The following CTNNA3 variants were observed in gnomAD, a reference collection of about 807,000 sequenced individuals.
CTNNA3 encodes the protein catenin alpha 3, also known as catenin alpha-3.
In CTNNA3, 76 loss-of-function variants were observed where a neutral mutation model predicts 95.7. That is an observed-to-expected ratio of 0.79 (90% CI 0.66 to 0.96). The LOEUF (loss-of-function observed/expected upper bound fraction) is 0.96, where lower values mean the gene tolerates loss of function less well. Among genes scored for constraint, CTNNA3 ranks in the 40% least tolerant of loss-of-function variants. The pLI, the probability that CTNNA3 is intolerant of heterozygous loss-of-function variation, is 0.00. For missense variants in CTNNA3, 1,191 were observed against 1,089.8 expected, an observed-to-expected ratio of 1.09 and a Z score of -1.31; for synonymous variants, 431 against 374.4, an observed-to-expected ratio of 1.15 and a Z score of -1.74.
chr10:67,224,009 T>A (rs1864780554), intron 5 of CTNNA3, among the ~76,000 whole-genome samples: 1 of 150,138 alleles, frequency 6.7e-6, no homozygotes, highest in African/African-American at 2.5e-5. Flanking sequence ...GATGCTTTCA[T>A]ATACATATAC....
At chr10:66,007,719 T>G (rs933790980) in intron 15 of CTNNA3, among the ~76,000 whole-genome samples, 1 of 69,460 alleles carries the variant, frequency 1.4e-5, no homozygotes, top group African/African-American at 5.2e-5. Context: ...CCTCCCTCCC[T>G]CCCTCCCTTT....
At chr10:67,681,058 G>T (rs1840616883) in intron 1 of CTNNA3, among the ~76,000 whole-genome samples, 1 of 152,178 alleles carries the variant, frequency 6.6e-6, no homozygotes, top group African/African-American at 2.4e-5. Flanking sequence ...TCTACTGAGG[G>T]TTGTAAAAGA....
intron 5 of CTNNA3, among the ~76,000 whole-genome samples, chr10:67,328,404 A>C (rs1347968988): frequency 6.6e-6 from 1 of 152,122 alleles, no homozygotes; most frequent in Non-Finnish European, 1.5e-5. Flanking sequence ...GATGGGCAAG[A>C]CCACCCTGCA....
chr10:67,184,871 T>G (rs1236622625), intron 6 of CTNNA3, among the ~76,000 whole-genome samples: 1 of 152,212 alleles, frequency 6.6e-6, no homozygotes, highest in Non-Finnish European at 1.5e-5. Context: ...TGATGTTTTA[T>G]CTTTCTCAGT....
chr10:66,842,334 C>CA (rs923117431), intron 7 of CTNNA3, among the ~76,000 whole-genome samples: 4 of 151,696 alleles, frequency 2.6e-5, no homozygotes, highest in Non-Finnish European at 5.9e-5. Context: ...AGAATTACTA[C>CA]AAAAAGGAAA....
intron 7 of CTNNA3, among the ~76,000 whole-genome samples, chr10:66,991,353 C>A (rs1851024859): frequency 6.6e-6 from 1 of 151,990 alleles, no homozygotes; most frequent in Admixed American, 6.6e-5. Flanking sequence ...TTAAGATAAT[C>A]CTTTTTAAAA....
chr10:66,534,651 T>A (rs1395134970), intron 10 of CTNNA3, among the ~76,000 whole-genome samples: 16 of 150,026 alleles, frequency 1.1e-4, no homozygotes, highest in African/African-American at 3.9e-4. Context: ...TCTTTGTATC[T>A]TTTTATTTTA....
intron 7 of CTNNA3, among the ~76,000 whole-genome samples, chr10:66,963,281 T>G (rs1317444353): frequency 2.0e-5 from 3 of 152,182 alleles, no homozygotes; most frequent in Non-Finnish European, 2.9e-5. Flanking sequence ...ACTTTTAGCT[T>G]TGAACTCCAC....
At chr10:67,743,808 A>C (rs1338376518) in intron 1 of CTNNA3, among the ~76,000 whole-genome samples, 1 of 151,324 alleles carries the variant, frequency 6.6e-6, no homozygotes, top group Non-Finnish European at 1.5e-5. Flanking sequence ...GCAAAGTCTC[A>C]GGATACAAAA....
intron 6 of CTNNA3, among the ~76,000 whole-genome samples, chr10:67,187,396 C>T (rs1473379241): frequency 6.6e-6 from 1 of 152,032 alleles, no homozygotes; most frequent in African/African-American, 2.4e-5. Flanking sequence ...CACTTTCTAC[C>T]ACTCTGGGGA....
At chr10:66,237,435 G>T (rs7907321) in intron 13 of CTNNA3, among the ~76,000 whole-genome samples, 122,824 of 152,080 alleles carry the variant, frequency 0.81, 49,944 homozygotes, top group South Asian at 0.94. Context: ...TTTGTTATTC[G>T]ATCCTCCTTG....
intron 7 of CTNNA3, among the ~76,000 whole-genome samples, chr10:66,988,385 T>C (rs1850852006): frequency 6.6e-6 from 1 of 152,160 alleles, no homozygotes; most frequent in Non-Finnish European, 1.5e-5. Context: ...TTTAAGCCAA[T>C]ACAATGATTT....
chr10:66,297,617 C>G (rs1468202093), intron 12 of CTNNA3, among the ~76,000 whole-genome samples: 1 of 152,098 alleles, frequency 6.6e-6, no homozygotes, highest in Non-Finnish European at 1.5e-5. Context: ...AATTAAGATG[C>G]TTTGAGCTTC....
chr10:67,228,335 C>T (rs1865024382), intron 5 of CTNNA3, among the ~76,000 whole-genome samples: 1 of 152,134 alleles, frequency 6.6e-6, no homozygotes, highest in African/African-American at 2.4e-5. Flanking sequence ...AGGAGATAGG[C>T]CAAGCACAGT....
chr10:66,110,222 T>C (rs1015905305), intron 13 of CTNNA3, among the ~76,000 whole-genome samples: 1 of 151,332 alleles, frequency 6.6e-6, no homozygotes, highest in African/African-American at 2.4e-5. Context: ...ATTAGACGGG[T>C]GTGGTGGCGT....
intron 3 of CTNNA3, among the ~76,000 whole-genome samples, chr10:67,552,741 C>T (rs1387218005): frequency 6.6e-6 from 1 of 152,078 alleles, no homozygotes; most frequent in Non-Finnish European, 1.5e-5. Flanking sequence ...CACTCAGCTC[C>T]CACTTATATG....
chr10:65,949,321 C>T (rs1341797836), intron 17 of CTNNA3, among the ~76,000 whole-genome samples: 1 of 152,164 alleles, frequency 6.6e-6, no homozygotes, highest in Non-Finnish European at 1.5e-5. Context: ...ATTAGCCTTT[C>T]TTTTCTTGTC....
intron 7 of CTNNA3, among the ~76,000 whole-genome samples, chr10:66,990,789 A>G (rs1234434519): frequency 2.0e-5 from 3 of 152,164 alleles, no homozygotes; most frequent in African/African-American, 7.2e-5. Context: ...GAATTATGTA[A>G]CCAAAATCTG....
intron 12 of CTNNA3, among the ~76,000 whole-genome samples, chr10:66,298,777 A>G (rs973415228): frequency 1.3e-5 from 2 of 152,200 alleles, no homozygotes; most frequent in African/African-American, 4.8e-5. Context: ...TAGTGAAGCA[A>G]CAAGGTAAAG....
Sources: gnomAD v4.1 joint callset for allele counts (sites outside exome capture counted in the v4.1 genomes callset) on GRCh38, gnomAD v4.1.1 for gene constraint, MANE v1.5 for transcripts, NCBI Gene and HGNC (gene_info 2026-07-23, HGNC 2026-07-21) for gene names.